Variants in TAFA2 observed in about 807,000 individuals in gnomAD.
The protein encoded by TAFA2 is chemokine-like protein TAFA-2.
Under a neutral mutation model 18.8 loss-of-function variants are expected in TAFA2, and 7 were observed. The ratio of observed to expected loss-of-function variants is 0.37; its 90% confidence interval spans 0.21 to 0.70. TAFA2 has a LOEUF of 0.70. Ranked by LOEUF, TAFA2 falls within the 30% of genes least tolerant of loss-of-function variation. The pLI, the probability that TAFA2 is intolerant of heterozygous loss-of-function variation, is 0.53. For synonymous variants in TAFA2, 60 were observed against 54.2 expected, an observed-to-expected ratio of 1.11 and a Z score of -0.47; for missense variants, 122 against 158.1, an observed-to-expected ratio of 0.77 and a Z score of 1.23.
At chr12:61,919,660 T>C (rs540147034) in intron 1 of TAFA2, among the ~76,000 whole-genome samples, 46 of 151,378 alleles carry the variant, frequency 3.0e-4, no homozygotes, top group Admixed American at 1.8e-3. Flanking sequence ...ATATCTATTT[T>C]ATATTTTATT....
At chr12:62,112,410 GC>G (rs1219288242) in intron 1 of TAFA2, among the ~76,000 whole-genome samples, 2 of 152,154 alleles carry the variant, frequency 1.3e-5, no homozygotes, top group East Asian at 3.9e-4. Flanking sequence ...CTCTCTGGCT[GC>G]CCTTAACATT....
At chr12:62,249,707 C>G (rs2062903284) in intron 1 of TAFA2, among the ~76,000 whole-genome samples, 1 of 152,222 alleles carries the variant, frequency 6.6e-6, no homozygotes, top group Admixed American at 6.5e-5. Flanking sequence ...CCATTGCATT[C>G]TTCCAACACC....
intron 1 of TAFA2, among the ~76,000 whole-genome samples, chr12:62,026,649 T>C (rs1207297128): frequency 6.6e-6 from 1 of 152,184 alleles, no homozygotes; most frequent in African/African-American, 2.4e-5. Context: ...GGAGACAGTC[T>C]ATGTTTTGAA....
intron 1 of TAFA2, among the ~76,000 whole-genome samples, chr12:62,085,799 C>A (rs1174270658): frequency 6.6e-6 from 1 of 151,974 alleles, no homozygotes; most frequent in Non-Finnish European, 1.5e-5. Flanking sequence ...TTTCTGTGTC[C>A]CCATCCTAAA....
intron 2 of TAFA2, among the ~76,000 whole-genome samples, chr12:61,769,160 T>C (rs1205437957): frequency 6.6e-6 from 1 of 151,114 alleles, no homozygotes; most frequent in Non-Finnish European, 1.5e-5. Context: ...GAGAACTATA[T>C]CCTTATCCCC....
At chr12:61,956,155 CA>C (rs5798624) in intron 1 of TAFA2, among the ~76,000 whole-genome samples, 1 of 151,736 alleles carries the variant, frequency 6.6e-6, no homozygotes, top group Admixed American at 6.6e-5. Context: ...ATAGCAGAGT[CA>C]AAAAACTCCA....
chr12:61,807,035 T>C (rs985245383), intron 2 of TAFA2, among the ~76,000 whole-genome samples: 1 of 146,316 alleles, frequency 6.8e-6, no homozygotes, highest in Non-Finnish European at 1.5e-5. Context: ...CTGCAGAAAT[T>C]TCCATAAGTA....
chr12:62,214,984 C>T (rs2062728301), intron 1 of TAFA2, among the ~76,000 whole-genome samples: 2 of 152,168 alleles, frequency 1.3e-5, no homozygotes, highest in African/African-American at 4.8e-5. Context: ...TTTCTACTTA[C>T]ATCCCTGCAC....
At chr12:62,104,913 T>C (rs749995625) in intron 1 of TAFA2, 4 of 242,090 alleles carry the variant, frequency 1.7e-5, no homozygotes, top group South Asian at 1.5e-4. Context: ...TTTCAAAACG[T>C]TGGCTGCCAA....
chr12:62,226,400 T>C (rs1242802189), intron 1 of TAFA2, among the ~76,000 whole-genome samples: 1 of 152,134 alleles, frequency 6.6e-6, no homozygotes, highest in East Asian at 1.9e-4. Context: ...AGTTTCACTG[T>C]GTTAGCCAAG....
At chr12:62,174,385 A>G (rs74631022) in intron 1 of TAFA2, among the ~76,000 whole-genome samples, 8,916 of 152,188 alleles carry the variant, frequency 0.059, 381 homozygotes, top group Non-Finnish European at 0.085. Flanking sequence ...GGGAACACCA[A>G]TATTTCAAGG....
At chr12:61,760,492 G>A (rs1374877488) in intron 2 of TAFA2, among the ~76,000 whole-genome samples, 1 of 151,144 alleles carries the variant, frequency 6.6e-6, no homozygotes, top group Non-Finnish European at 1.5e-5. Context: ...TTATTTGTCT[G>A]CTGTATATCT....
chr12:61,789,968 C>A (rs536802110), intron 2 of TAFA2, among the ~76,000 whole-genome samples: 1 of 151,874 alleles, frequency 6.6e-6, no homozygotes, highest in East Asian at 1.9e-4. Flanking sequence ...AAATTCTCAA[C>A]AAGATACTAG....
chr12:62,004,684 G>A (rs1273613674), intron 1 of TAFA2, among the ~76,000 whole-genome samples: 2 of 152,062 alleles, frequency 1.3e-5, no homozygotes, highest in South Asian at 2.1e-4. Flanking sequence ...TGTTGGATAT[G>A]TACCCAAAGG....
chr12:61,753,931 C>A (rs1233655298), intron 3 of TAFA2, among the ~76,000 whole-genome samples, 185 bp from the exon 4 acceptor site: 1 of 151,970 alleles, frequency 6.6e-6, no homozygotes, highest in Non-Finnish European at 1.5e-5. Context: ...AAATAATTTT[C>A]TTTAAAACAT....
chr12:61,834,768 A>G (rs1363243292), intron 2 of TAFA2, among the ~76,000 whole-genome samples: 1 of 152,032 alleles, frequency 6.6e-6, no homozygotes, highest in Non-Finnish European at 1.5e-5. Context: ...TGATTTTATT[A>G]TTGGACTGGA....
intron 1 of TAFA2, among the ~76,000 whole-genome samples, chr12:62,024,433 T>C (rs527467033): frequency 6.6e-6 from 1 of 152,262 alleles, no homozygotes; most frequent in African/African-American, 2.4e-5. Flanking sequence ...TCCCTGCAGA[T>C]TGGTTTTGCT....
At chr12:61,724,618 T>C (rs1168917395) in intron 4 of TAFA2, among the ~76,000 whole-genome samples, 1 of 152,108 alleles carries the variant, frequency 6.6e-6, no homozygotes, top group African/African-American at 2.4e-5. Context: ...CTTTCACTTA[T>C]AAGTGAGAAC....
chr12:62,169,590 G>A (rs539484272), intron 1 of TAFA2, among the ~76,000 whole-genome samples: 8 of 152,234 alleles, frequency 5.3e-5, no homozygotes, highest in East Asian at 1.9e-4. Flanking sequence ...AGTGGCTCAC[G>A]CCTGTAATCC....
Sources: allele counts gnomAD v4.1 joint callset (sites outside exome capture counted in the v4.1 genomes callset), GRCh38; gene constraint gnomAD v4.1.1; transcripts MANE v1.5; gene names NCBI Gene and HGNC (gene_info 2026-07-23, HGNC 2026-07-21).